PDE4D: variants seen among roughly 807,000 people sequenced by gnomAD.
PDE4D encodes the protein 3',5'-cyclic-AMP phosphodiesterase 4D.
In PDE4D, 24 loss-of-function variants were observed where a neutral mutation model predicts 87.4. That is an observed-to-expected ratio of 0.27 (90% confidence interval 0.20 to 0.39). The LOEUF is 0.39. Ranked by LOEUF, PDE4D falls within the 10% of genes least tolerant of loss-of-function variation. The probability of loss-of-function intolerance (pLI) is 1.00; values close to 1 mark genes in which losing one functional copy is unlikely to be tolerated. For synonymous variants in PDE4D, 384 were observed against 383.2 expected, an observed-to-expected ratio of 1.00 and a Z score of -0.02; for missense variants, 714 against 1,041.0, an observed-to-expected ratio of 0.69 and a Z score of 4.32.
intron 1 of PDE4D, among the ~76,000 whole-genome samples, chr5:59,806,934 A>G (rs2963823): frequency 0.14 from 20,650 of 152,252 alleles, 1,848 homozygotes; most frequent in Middle Eastern, 0.26. Context: ...TACGATTTGA[A>G]ATCAAGAGAA....
rs149819660 is a variant in PDE4D at position 60,333,443 on chromosome 5, G to A, written c.-89-147756C>T. ...AGTTCAAAACTGACACAGTGGGTCT[G>A]GAAGAGGCTTCTGCTGTGGCTTTCT... On this transcript the variant is annotated intron_variant, in intron 1 of 16. Coordinates refer to the PDE4D transcript ENST00000502484. Among the ~76,000 whole-genome samples the A allele has an allele frequency of 1.4e-3, 206 of 152,182 alleles. 4 individuals carry two copies. In the East Asian group the frequency reaches 0.033, roughly 25 times the overall value.
chr5:59,604,635 G>A (rs1827943344), intron 1 of PDE4D, among the ~76,000 whole-genome samples: 1 of 151,846 alleles, frequency 6.6e-6, no homozygotes, highest in Non-Finnish European at 1.5e-5. Flanking sequence ...CACAGAAGGG[G>A]AACTATAAAT....
intron 5 of PDE4D, among the ~76,000 whole-genome samples, chr5:59,164,571 C>T (rs1249141775): frequency 6.6e-6 from 1 of 152,158 alleles, no homozygotes; most frequent in Non-Finnish European, 1.5e-5. Context: ...ACAAATAGTG[C>T]AGCCAGGATT....
At chr5:59,394,969 C>T (rs937091923) in intron 1 of PDE4D, among the ~76,000 whole-genome samples, 9 of 152,166 alleles carry the variant, frequency 5.9e-5, no homozygotes, top group African/African-American at 1.2e-4. Flanking sequence ...AAAGGGGTGA[C>T]GGATGGCACC....
intron 1 of PDE4D, among the ~76,000 whole-genome samples, chr5:59,721,579 C>T (rs1324872025): frequency 6.6e-6 from 1 of 152,104 alleles, no homozygotes; most frequent in Non-Finnish European, 1.5e-5. Context: ...AATCATTTTC[C>T]AAGGTAGGCT....
intron 1 of PDE4D, among the ~76,000 whole-genome samples, chr5:59,786,503 C>T (rs150150588): frequency 2.0e-5 from 3 of 152,332 alleles, no homozygotes; most frequent in African/African-American, 7.2e-5. Context: ...AAAACCTCAG[C>T]TTCCTGAGGC....
chr5:59,333,857 A>C (rs1582013659), intron 1 of PDE4D, among the ~76,000 whole-genome samples: 1 of 152,034 alleles, frequency 6.6e-6, no homozygotes, highest in African/African-American at 2.4e-5. Flanking sequence ...TTTCATACAT[A>C]TCTTGAAACC....
intron 5 of PDE4D, among the ~76,000 whole-genome samples, chr5:59,138,565 C>T (rs1015649821): frequency 6.6e-6 from 1 of 152,222 alleles, no homozygotes; most frequent in African/African-American, 2.4e-5. Flanking sequence ...AGACTTCCTA[C>T]AGAAAGACAA....
intron 2 of PDE4D, among the ~76,000 whole-genome samples, chr5:60,175,358 A>G (rs768538588): frequency 6.6e-6 from 1 of 152,154 alleles, no homozygotes; most frequent in Non-Finnish European, 1.5e-5. Context: ...AACCTTTAAA[A>G]TATTAATCAT....
intron 6 of PDE4D, among the ~76,000 whole-genome samples, chr5:59,000,884 T>TTAGCCTGGC (rs1311054327): frequency 1.3e-5 from 2 of 152,020 alleles, no homozygotes; most frequent in African/African-American, 4.8e-5. Context: ...AGACGGGATT[T>TTAGCCTGGC]CACCATGTTG....
intron 3 of PDE4D, among the ~76,000 whole-genome samples, chr5:59,939,895 G>T (rs1757001639): frequency 6.6e-6 from 1 of 152,148 alleles, no homozygotes; most frequent in Non-Finnish European, 1.5e-5. Flanking sequence ...ACATGGGGAA[G>T]TTCCCTCTCA....
At chr5:59,341,819 A>C (rs1336571449) in intron 1 of PDE4D, among the ~76,000 whole-genome samples, 2 of 152,192 alleles carry the variant, frequency 1.3e-5, no homozygotes, top group African/African-American at 4.8e-5. Context: ...TTTTCTATTC[A>C]AACTTGCACT....
At chr5:59,484,238 TC>T (rs1266823552) in intron 1 of PDE4D, among the ~76,000 whole-genome samples, 1 of 152,146 alleles carries the variant, frequency 6.6e-6, no homozygotes, top group Non-Finnish European at 1.5e-5. Context: ...TTGAGGGGCT[TC>T]CCCTCCAAGC....
Position 59,768,674 on chromosome 5 carries a change from G to C in PDE4D, c.455+124494C>G, listed in dbSNP as rs1040325966. 2.0e-6 allele frequency: 3 copies of C among 1,476,522 alleles called. No individual in the cohort carries two copies. In the African/African-American group the frequency reaches 4.2e-5, roughly 21 times the overall value. The allele number at this position is 1,476,522 out of a possible 1,614,324, so 91.5% of individuals were successfully genotyped here. A position where few individuals can be genotyped will look rare whatever the true frequency, so the allele number is the denominator to read the frequency against. ...GAGCCTGGGGCTGGGTGCAGAGGAG[G>C]CGAGCGCACTCCTCCGCGGAAGCGT... is the stretch of plus-strand genomic sequence containing the variant. On this transcript the variant is annotated intron_variant, in intron 1 of 14. Transcript: ENST00000340635.
At chr5:60,269,684 C>G (rs1253642170) in intron 1 of PDE4D, among the ~76,000 whole-genome samples, 1 of 152,122 alleles carries the variant, frequency 6.6e-6, no homozygotes, top group East Asian at 1.9e-4. Context: ...TTAAAAACTG[C>G]TAAAAGAGTA....
chr5:60,045,392 T>C (rs1463607242), intron 2 of PDE4D, among the ~76,000 whole-genome samples: 2 of 152,228 alleles, frequency 1.3e-5, no homozygotes, highest in African/African-American at 4.8e-5. Flanking sequence ...CAATTTTGGC[T>C]TTGGTTGCCA....
intron 1 of PDE4D, among the ~76,000 whole-genome samples, chr5:59,428,112 G>GAGACCAAATTCTC (rs1795575574): frequency 1.3e-5 from 2 of 152,076 alleles, no homozygotes; most frequent in African/African-American, 4.8e-5. Flanking sequence ...CCAATTAAAT[G>GAGACCAAATTCTC]ATCATGTGGT....
At chr5:59,940,027 G>T (rs762675541) in intron 3 of PDE4D, among the ~76,000 whole-genome samples, 1 of 152,172 alleles carries the variant, frequency 6.6e-6, no homozygotes, top group Admixed American at 6.5e-5. Flanking sequence ...TCTCTGGAAG[G>T]AAGTCCATAA....
intron 1 of PDE4D, among the ~76,000 whole-genome samples, chr5:60,474,110 A>ATATATATATGTG (rs1748096596): frequency 4.5e-5 from 3 of 65,976 alleles, no homozygotes; most frequent in East Asian, 4.5e-4. Context: ...GCTGCCATAT[A>ATATATATATGTG]TATATATATA....
Sources: gnomAD v4.1 joint callset for allele counts (sites outside exome capture counted in the v4.1 genomes callset) on GRCh38, gnomAD v4.1.1 for gene constraint, MANE v1.5 for transcripts, NCBI Gene and HGNC (gene_info 2026-07-23, HGNC 2026-07-21) for gene names.